ITGA9: variants seen among roughly 807,000 people sequenced by gnomAD.
The protein encoded by ITGA9 is integrin subunit alpha 9.
A neutral mutation model predicts 127.8 loss-of-function variants in ITGA9; 56 were observed. The observed-to-expected ratio is 0.44, with a 90% CI of 0.35 to 0.55. The LOEUF is 0.55. ITGA9 is among the 20% of genes least tolerant of loss of function. The pLI is 0.00. For synonymous variants in ITGA9, 508 were observed against 514.5 expected (o/e 0.99, Z 0.17); for missense variants, 1,196 against 1,347.1 (o/e 0.89, Z 1.76).
At chr3:37,733,028 C>G in intron 19 of ITGA9, 1 of 541,384 alleles carries the variant, frequency 1.8e-6, no homozygotes, top group Non-Finnish European at 3.4e-6. Flanking sequence ...ATGATGTACC[C>G]CAAATGTGAA....
chr3:37,710,611 A>T (rs1387721714), intron 18 of ITGA9, among the ~76,000 whole-genome samples: 1 of 152,132 alleles, frequency 6.6e-6, no homozygotes, highest in Non-Finnish European at 1.5e-5. Flanking sequence ...GTGACTACAT[A>T]ATTTAACCAT....
chr3:37,640,300 C>T (rs1700320146), intron 16 of ITGA9, among the ~76,000 whole-genome samples: 1 of 151,954 alleles, frequency 6.6e-6, no homozygotes, highest in South Asian at 2.1e-4. Flanking sequence ...AGGAATGAGG[C>T]GGAATAGGAG....
chr3:37,647,275 A>G (rs375040752), intron 16 of ITGA9, among the ~76,000 whole-genome samples: 3 of 152,202 alleles, frequency 2.0e-5, no homozygotes, highest in East Asian at 3.9e-4. Context: ...CTGGTATTCT[A>G]TTGCTGCATA....
chr3:37,781,388 G>C (rs1696974467), intron 25 of ITGA9, among the ~76,000 whole-genome samples: 1 of 152,214 alleles, frequency 6.6e-6, no homozygotes, highest in African/African-American at 2.4e-5. Context: ...AATGGGCATG[G>C]CTGTGATCCA....
intron 17 of ITGA9, among the ~76,000 whole-genome samples, chr3:37,676,167 A>AT (rs1700680523): frequency 2.0e-5 from 3 of 152,246 alleles, no homozygotes; most frequent in African/African-American, 4.8e-5. Context: ...TATCGTAAGT[A>AT]AAGTAAAACT....
intron 20 of ITGA9, 92 bp from the exon 21 acceptor site, chr3:37,741,638 G>A (rs1696436113): frequency 1.0e-6 from 1 of 973,234 alleles, no homozygotes; most frequent in Non-Finnish European, 1.6e-6. Context: ...CTTGGAGAAT[G>A]TAGAGATTCA....
chr3:37,516,764 A>T (rs911632726), intron 9 of ITGA9, among the ~76,000 whole-genome samples: 6 of 152,162 alleles, frequency 3.9e-5, no homozygotes, highest in African/African-American at 1.4e-4. Context: ...ACATCTTCTC[A>T]TGTCTCAGGA....
chr3:37,548,422 C>T (rs938979506), intron 15 of ITGA9, among the ~76,000 whole-genome samples: 4 of 152,170 alleles, frequency 2.6e-5, no homozygotes, highest in Non-Finnish European at 5.9e-5. Context: ...ACAGAGTGCA[C>T]ACCTAAAATT....
At chr3:37,585,471 C>T (rs555862072) in intron 15 of ITGA9, 108 of 424,944 alleles carry the variant, frequency 2.5e-4, no homozygotes, top group African/African-American at 1.6e-3. Flanking sequence ...TTCATTAGAG[C>T]GAATTCAAAT....
chr3:37,770,517 GAAAT>G (rs2125546987), intron 23 of ITGA9, among the ~76,000 whole-genome samples: 2 of 152,266 alleles, frequency 1.3e-5, no homozygotes, highest in East Asian at 3.9e-4. Flanking sequence ...CTACAACATG[GAAAT>G]GCCATTTCCT....
Position 37,821,622 on chromosome 3 carries a change from GAC to G in ITGA9, c.*2635_*2636del, listed in dbSNP as rs1697516383. 1.3e-5 allele frequency: 2 copies of G among 152,070 alleles called. No individual in the cohort carries two copies. Among genetic ancestry groups the G allele is most frequent in the African/African-American group, 4.8e-5 (2 of 41,372 alleles). The allele number at this position is 152,070 out of a possible 1,614,324, so 9.4% of individuals were successfully genotyped here. On this transcript the variant is annotated 3_prime_UTR_variant, in exon 28 of 28. Coordinates refer to ENST00000264741, the MANE Select transcript of ITGA9 (RefSeq NM_002207.3). The stretch of plus-strand genomic sequence containing the variant: ...CCTGCCGGGGTGTAGGTGCGTTGGT[GAC>G]AGTGTAGAAGGGTGATTCGCAGGCC...
intron 15 of ITGA9, among the ~76,000 whole-genome samples, chr3:37,609,268 G>A (rs1003975460): frequency 1.1e-4 from 16 of 152,066 alleles, no homozygotes; most frequent in Admixed American, 9.8e-4. Context: ...TTCTTCCTAT[G>A]AATTTTTACC....
At chr3:37,607,198 C>T (rs1699977104) in intron 15 of ITGA9, among the ~76,000 whole-genome samples, 1 of 151,866 alleles carries the variant, frequency 6.6e-6, no homozygotes. Flanking sequence ...TTGTCCATTT[C>T]CTTAGGAACA....
intron 18 of ITGA9, among the ~76,000 whole-genome samples, chr3:37,697,271 C>T (rs891459677): frequency 2.0e-5 from 3 of 151,352 alleles, no homozygotes; most frequent in Non-Finnish European, 2.9e-5. Flanking sequence ...TTTCTGGACC[C>T]GTCAGCATCT....
intron 23 of ITGA9, among the ~76,000 whole-genome samples, chr3:37,751,396 A>G (rs1359487621): frequency 6.6e-6 from 1 of 152,152 alleles, no homozygotes; most frequent in African/African-American, 2.4e-5. Flanking sequence ...CTTAAATATT[A>G]TTAACCATGC....
chr3:37,521,759 A>G (rs956854224), intron 11 of ITGA9, among the ~76,000 whole-genome samples: 1 of 152,254 alleles, frequency 6.6e-6, no homozygotes, highest in African/African-American at 2.4e-5. Flanking sequence ...CTTGGACTTC[A>G]GAGCCAAGAG....
intron 17 of ITGA9, among the ~76,000 whole-genome samples, chr3:37,674,084 C>T (rs1215325600): frequency 1.3e-5 from 2 of 152,162 alleles, no homozygotes; most frequent in African/African-American, 4.8e-5. Context: ...ATGTTGGCGG[C>T]ATTATTCTTA....
chr3:37,542,283 C>G (rs1699280667), intron 14 of ITGA9, 142 bp from the exon 15 acceptor site: 1 of 866,758 alleles, frequency 1.2e-6, no homozygotes, highest in Admixed American at 1.8e-5. Flanking sequence ...CTGAGCAAGT[C>G]TCTGCTTGGG....
intron 15 of ITGA9, among the ~76,000 whole-genome samples, chr3:37,607,332 A>G (rs1444579888): frequency 1.3e-5 from 2 of 152,194 alleles, no homozygotes; most frequent in African/African-American, 2.4e-5. Flanking sequence ...TCAGTTGTTC[A>G]TGGAGGAAAA....
Sources: gnomAD v4.1 joint callset for allele counts (sites outside exome capture counted in the v4.1 genomes callset) on GRCh38, gnomAD v4.1.1 for gene constraint, MANE v1.5 for transcripts, NCBI Gene and HGNC (gene_info 2026-07-23, HGNC 2026-07-21) for gene names.